Variants in SLC13A3 observed in about 807,000 individuals in gnomAD.
SLC13A3 encodes solute carrier family 13 member 3, also known as Na(+)/dicarboxylate cotransporter 3.
A neutral mutation model predicts 59.0 loss-of-function variants in SLC13A3; 40 were observed. That is an observed-to-expected ratio of 0.68 (90% CI 0.53 to 0.88). The LOEUF is 0.88. Among genes scored for constraint, SLC13A3 ranks in the 40% least tolerant of loss-of-function variants. The pLI is 0.00. For synonymous variants in SLC13A3, 317 were observed against 330.3 expected (o/e 0.96, Z 0.44); for missense variants, 699 against 783.2 (o/e 0.89, Z 1.28).
intron 8 of SLC13A3, chr20:46,585,663 T>C (rs1313006118): frequency 7.8e-7 from 1 of 1,288,668 alleles, no homozygotes. Flanking sequence ...AGGAAAGATG[T>C]ATATCAGAAT....
chr20:46,584,750 C>T (rs529129488), intron 8 of SLC13A3, among the ~76,000 whole-genome samples: 1 of 152,174 alleles, frequency 6.6e-6, no homozygotes, highest in African/African-American at 2.4e-5. Context: ...ATGTAAATAC[C>T]CTTTGATCCA....
intron 9 of SLC13A3, chr20:46,583,306 A>C (rs1444325424): frequency 1.1e-6 from 1 of 920,686 alleles, no homozygotes; most frequent in Non-Finnish European, 1.4e-6. Flanking sequence ...CCATTTAAAA[A>C]TCTGAAAACT....
chr20:46,566,265 C>G lies in SLC13A3; in HGVS notation c.1458G>C (p.Ala486=), dbSNP rs202391. The change falls in exon 11 of 13, where the codon GCG becomes GCC. Residue 486 remains alanine (A), a synonymous_variant. Coordinates refer to ENST00000279027, the MANE Select transcript of SLC13A3 (RefSeq NM_022829.6). ...AFFTEFASNT[A]TIIIFLPVLA... ...GGACCGGCAGGAAGATGATGATGGT[C>G]GCCGTGTTGCTGGCAAACTCAGTGA... 0.15 allele frequency: 235,021 copies of G among 1,613,100 alleles called. 18,838 individuals carry two copies. The highest frequency in any genetic ancestry group is 0.31 in the African/African-American group (23,135 of 74,864).
intron 1 of SLC13A3, among the ~76,000 whole-genome samples, chr20:46,675,600 A>T (rs1391239717): frequency 1.5e-5 from 2 of 136,510 alleles, no homozygotes; most frequent in African/African-American, 2.8e-5. Flanking sequence ...TTTTGTTTTT[A>T]ACTAAAACTA....
chr20:46,670,483 T>TGCAAACA (rs1406000791), upstream of SLC13A3, among the ~76,000 whole-genome samples: 1 of 152,164 alleles, frequency 6.6e-6, no homozygotes, highest in Non-Finnish European at 1.5e-5. Flanking sequence ...CATCAGCAAA[T>TGCAAACA]GTGATGCAAA....
intron 10 of SLC13A3, 79 bp from the exon 11 acceptor site, chr20:46,566,469 A>G (rs752508127): frequency 6.0e-6 from 9 of 1,488,144 alleles, no homozygotes; most frequent in Non-Finnish European, 8.2e-6. Context: ...GATAGATCAC[A>G]ACAATGACGA....
intron 1 of SLC13A3, among the ~76,000 whole-genome samples, chr20:46,629,761 T>C (rs1436863568): frequency 2.0e-5 from 3 of 152,226 alleles, no homozygotes; most frequent in Non-Finnish European, 4.4e-5. Context: ...TTAATCTCTC[T>C]TCTTTGCCCT....
Position 46,651,350 on chromosome 20 carries a change from C to G in SLC13A3, c.72G>C (p.Pro24=), listed in dbSNP as rs551285339. Residue 24 remains proline (P), a synonymous_variant, in exon 1 of 13, where the codon CCG becomes CCC. Coordinates refer to ENST00000279027, the MANE Select transcript of SLC13A3 (RefSeq NM_022829.6). Reference sequence around the variant, plus strand: ...CGAAGACCACCGGCAGCAGCGCGAGCGGCGTGAACAGCAGCACCAGCAGCC... The same window carrying G: ...CGAAGACCACCGGCAGCAGCGCGAGGGGCGTGAACAGCAGCACCAGCAGCC... The part of the protein sequence containing the change: ...ARRLLVLLFT[P]LALLPVVFAL... 5.9e-6 allele frequency: 9 copies of G among 1,513,236 alleles called. No individual in the cohort carries two copies. The East Asian group carries it at 2.2e-4, about 36-fold the overall frequency. The allele number at this position is 1,513,236 out of a possible 1,614,324, so 93.7% of individuals were successfully genotyped here.
chr20:46,642,461 G>A (rs774995814), intron 1 of SLC13A3, among the ~76,000 whole-genome samples: 3 of 152,166 alleles, frequency 2.0e-5, no homozygotes, highest in Admixed American at 6.5e-5. Flanking sequence ...AACACCTGGC[G>A]CTTAGTAGGT....
intron 10 of SLC13A3, 133 bp from the exon 11 acceptor site, chr20:46,566,523 A>G: frequency 1.0e-6 from 1 of 999,288 alleles, no homozygotes; most frequent in Non-Finnish European, 1.4e-6. Context: ...CAGAGAGGGG[A>G]GGTGACGTGT....
At chr20:46,653,522 C>A (rs1223770169), upstream of SLC13A3, among the ~76,000 whole-genome samples, 3 of 151,802 alleles carry the variant, frequency 2.0e-5, no homozygotes, top group Non-Finnish European at 2.9e-5. Context: ...AACAAACAAA[C>A]AAAAAAAGAA....
chr20:46,575,237 A>T (rs1463254291), intron 10 of SLC13A3, among the ~76,000 whole-genome samples: 1 of 152,188 alleles, frequency 6.6e-6, no homozygotes, highest in East Asian at 1.9e-4. Flanking sequence ...CTCCACAAGC[A>T]TGTTGAACAG....
chr20:46,576,135 G>A (rs974273006), intron 9 of SLC13A3, among the ~76,000 whole-genome samples: 1 of 152,016 alleles, frequency 6.6e-6, no homozygotes, highest in East Asian at 1.9e-4. Context: ...AAGTGGCAGC[G>A]CTGCAGTGGT....
At chr20:46,568,510 G>C (rs1469309285) in intron 10 of SLC13A3, among the ~76,000 whole-genome samples, 5 of 150,422 alleles carry the variant, frequency 3.3e-5, no homozygotes, top group African/African-American at 1.2e-4. Context: ...TTCAATGTAA[G>C]AATAATAAAT....
intron 1 of SLC13A3, among the ~76,000 whole-genome samples, chr20:46,635,139 T>A (rs948252379): frequency 6.6e-6 from 1 of 152,208 alleles, no homozygotes; most frequent in African/African-American, 2.4e-5. Flanking sequence ...ACTTGCTGTT[T>A]CTTGGACACT....
chr20:46,585,368 A>G, intron 8 of SLC13A3: 1 of 1,000,920 alleles, frequency 1.0e-6, no homozygotes, highest in Non-Finnish European at 1.2e-6. Context: ...TCAATTCAGC[A>G]TTGTTTGAAT....
At chr20:46,649,542 C>A (rs1460937441) in intron 1 of SLC13A3, among the ~76,000 whole-genome samples, 3 of 152,164 alleles carry the variant, frequency 2.0e-5, no homozygotes, top group African/African-American at 7.2e-5. Flanking sequence ...AGAGCTCTGC[C>A]TATGGCCTCG....
At chr20:46,578,822 C>A (rs1387811604) in intron 9 of SLC13A3, among the ~76,000 whole-genome samples, 4 of 135,688 alleles carry the variant, frequency 2.9e-5, no homozygotes, top group Non-Finnish European at 6.4e-5. Context: ...TGGACAGAGC[C>A]CTGAATGAAG....
At chr20:46,635,335 G>C (rs1362477732) in intron 1 of SLC13A3, among the ~76,000 whole-genome samples, 1 of 152,172 alleles carries the variant, frequency 6.6e-6, no homozygotes, top group East Asian at 1.9e-4. Context: ...TTAGATGAGA[G>C]AGAACCCAAG....
Sources: allele counts gnomAD v4.1 joint callset (sites outside exome capture counted in the v4.1 genomes callset), GRCh38; gene constraint gnomAD v4.1.1; transcripts MANE v1.5; gene names NCBI Gene and HGNC (gene_info 2026-07-23, HGNC 2026-07-21).